TMEM184B: variants seen among roughly 807,000 people sequenced by gnomAD.
TMEM184B encodes transmembrane protein 184B.
A neutral mutation model predicts 41.8 loss-of-function variants in TMEM184B; 17 were observed. That is an observed-to-expected ratio of 0.41 (90% CI 0.28 to 0.61). The LOEUF is 0.61. Among genes scored for constraint, TMEM184B ranks in the 20% least tolerant of loss-of-function variants. The probability of loss-of-function intolerance (pLI) is 0.34; values close to 1 mark genes in which losing one functional copy is unlikely to be tolerated. For missense variants in TMEM184B, 393 were observed against 557.8 expected (o/e 0.70, Z 2.98); for synonymous variants, 240 against 229.5 (o/e 1.05, Z -0.41).
intron 1 of TMEM184B, among the ~76,000 whole-genome samples, chr22:38,252,329 G>A (rs2092184162): frequency 6.6e-6 from 1 of 152,104 alleles, no homozygotes; most frequent in Non-Finnish European, 1.5e-5. Context: ...CCAAAGTGCT[G>A]GGATTACAGG....
Position 38,231,342 on chromosome 22 carries a change from G to A in TMEM184B, c.359-8C>T, listed in dbSNP as rs200937445. ...AATTATAGATGACCAAGGCTGCGAAGAGAGTGTCCAGGAGAAACCAGTCAA... is the reference window on the plus strand; with the variant it reads ...AATTATAGATGACCAAGGCTGCGAAAAGAGTGTCCAGGAGAAACCAGTCAA... On this transcript the variant is annotated splice_region_variant and splice_polypyrimidine_tract_variant and intron_variant, in intron 3 of 8. Transcript: ENST00000361906. 325 of 1,612,598 alleles carry A rather than the reference G, an allele frequency of 2.0e-4. No individual in the cohort carries two copies. The African/African-American group carries it at 4.0e-3, about 20-fold the overall frequency.
At chr22:38,235,389 G>A (rs78690286) in intron 3 of TMEM184B, among the ~76,000 whole-genome samples, 2 of 152,210 alleles carry the variant, frequency 1.3e-5, no homozygotes, top group Non-Finnish European at 2.9e-5. Context: ...ATCTGGGCTC[G>A]TGTCCTTTCC....
chr22:38,238,653 C>T (rs1011817850), intron 3 of TMEM184B, among the ~76,000 whole-genome samples: 27 of 152,248 alleles, frequency 1.8e-4, no homozygotes, highest in African/African-American at 4.8e-4. Context: ...GTGCTCACCC[C>T]GGTTGGACAG....
intron 5 of TMEM184B, among the ~76,000 whole-genome samples, chr22:38,227,592 G>A (rs184417061): frequency 1.6e-3 from 247 of 152,308 alleles, no homozygotes; most frequent in Non-Finnish European, 1.3e-3. Flanking sequence ...TGGGGATGGA[G>A]GTGACCTGCA....
chr22:38,225,511 A>G lies in TMEM184B; in HGVS notation c.700T>C (p.Phe234Leu). Residue 234 changes from phenylalanine (F) to leucine (L), a missense_variant, in exon 7 of 9, where the codon TTC becomes CTC. Phe to Leu is a conservative substitution (Grantham distance 22). Around this residue, in one of 2 missense-constraint regions of TMEM184B, gnomAD observed 271 missense variants for 434.1 expected, o/e 0.62. Transcript: ENST00000361906. The surrounding 1 kb of genome is among the most constrained non-coding windows in gnomAD (Gnocchi z 4.4). The part of the protein sequence containing the change: ...LALYALFLFY[F>L]ATRELLSPYS... ...GGGCTGAGCAGCTCCCGGGTGGCGA[A>G]GTAGAAGAGGAAGAGGGCGTAGAGG... The G allele has an allele frequency of 1.2e-6, 2 of 1,601,646 alleles. No individual in the cohort carries two copies. The highest frequency in any genetic ancestry group is 1.7e-6 in the Non-Finnish European group (2 of 1,175,662).
rs367616345 is a variant in TMEM184B at position 38,221,655 on chromosome 22, C to T, written c.1038G>A (p.Pro346=). ...GGATGGCGTCCTGCACGATGTCGTG[C>T]GGGTTCATGGTCTCCTTGAGGCTGC... is the stretch of plus-strand genomic sequence containing the variant. ...ISSSLKETMN[P]HDIVQDAIHN... is the part of the protein sequence containing the mutation. Residue 346 remains proline (P), a synonymous_variant, in exon 9 of 9, where the codon CCG becomes CCA. Transcript: ENST00000361906. 5.5e-5 allele frequency: 88 copies of T among 1,614,080 alleles called. No individual in the cohort carries two copies. The highest frequency in any genetic ancestry group is 4.6e-4 in the South Asian group (42 of 91,084).
At chr22:38,246,147 G>A in intron 2 of TMEM184B, 47 bp from the exon 3 acceptor site, 1 of 1,586,134 alleles carries the variant, frequency 6.3e-7, no homozygotes, top group Non-Finnish European at 8.5e-7. Flanking sequence ...CTGTCCACAG[G>A]GACGGGAGGG....
At chr22:38,228,347 C>T (rs779231764) in intron 5 of TMEM184B, among the ~76,000 whole-genome samples, 9 of 152,174 alleles carry the variant, frequency 5.9e-5, no homozygotes, top group African/African-American at 7.2e-5. Context: ...AGCCCCCTGA[C>T]GTGGGTGCTG....
At chr22:38,256,370 T>C (rs920197428) in intron 1 of TMEM184B, among the ~76,000 whole-genome samples, 3 of 151,966 alleles carry the variant, frequency 2.0e-5, no homozygotes, top group Admixed American at 6.6e-5. Flanking sequence ...CCCACCACCA[T>C]GCCTGCCTAA....
Position 38,225,045 on chromosome 22 carries a change from A to T in TMEM184B, c.788-66T>A. ...CTTTCCTGCTCCCCCTTCTTCCACA[A>T]TGCCCCATTCAGCTGCCCACATGCC... On this transcript the variant is annotated intron_variant, in intron 7 of 8. Transcript: ENST00000361906. The surrounding 1 kb of genome is among the most constrained non-coding windows in gnomAD (Gnocchi z 4.4). The T allele has an allele frequency of 6.9e-7, 1 of 1,459,774 alleles. No homozygotes were observed. The highest frequency in any genetic ancestry group is 1.4e-5 in the South Asian group (1 of 73,660). The allele number at this position is 1,459,774 out of a possible 1,614,324, so 90.4% of individuals were successfully genotyped here.
At chr22:38,251,189 T>C (rs2145716014) in intron 1 of TMEM184B, among the ~76,000 whole-genome samples, 1 of 152,312 alleles carries the variant, frequency 6.6e-6, no homozygotes, top group South Asian at 2.1e-4. Flanking sequence ...GCCCAACCCA[T>C]GCTGGCCACG....
intron 5 of TMEM184B, among the ~76,000 whole-genome samples, chr22:38,229,646 T>C (rs1242310617): frequency 7.8e-4 from 90 of 115,536 alleles, no homozygotes; most frequent in African/African-American, 1.6e-3. Context: ...CACAGGGAGG[T>C]CAGCCCAGGA....
At chr22:38,252,486 C>T (rs1041841744) in intron 1 of TMEM184B, among the ~76,000 whole-genome samples, 1 of 152,214 alleles carries the variant, frequency 6.6e-6, no homozygotes, top group African/African-American at 2.4e-5. Context: ...TGCCAGGCAC[C>T]GGCAGACCCA....
Position 38,225,645 on chromosome 22 carries a change from G to A in TMEM184B, c.618-52C>T. 6.5e-7 allele frequency: 1 copy of A among 1,547,834 alleles called. No individual in the cohort carries two copies. Among genetic ancestry groups the A allele is most frequent in the Non-Finnish European group, 8.7e-7 (1 of 1,152,200 alleles). On this transcript the variant is annotated intron_variant, in intron 6 of 8. Coordinates refer to ENST00000361906, the MANE Select transcript of TMEM184B (RefSeq NM_012264.5). This position sits in a 1 kb window ranked among gnomAD's most constrained non-coding sequence, Gnocchi z 4.4. ...TGGGACAGACCCTTGGAGGGAAGGG[G>A]CTCTCCTCGACTGCACCACACACAG...
chr22:38,267,098 A>C (rs1392373520), intron 1 of TMEM184B, among the ~76,000 whole-genome samples: 1 of 152,058 alleles, frequency 6.6e-6, no homozygotes, highest in African/African-American at 2.4e-5. Flanking sequence ...AAAAAAAAAA[A>C]ACAAGTACTA....
intron 2 of TMEM184B, 33 bp from the exon 3 acceptor site, chr22:38,246,133 C>A: frequency 6.3e-7 from 1 of 1,597,592 alleles, no homozygotes; most frequent in Non-Finnish European, 8.5e-7. Flanking sequence ...AGCTGGGGAC[C>A]CTCCTGTCCA....
intron 3 of TMEM184B, among the ~76,000 whole-genome samples, chr22:38,240,798 T>C (rs190114766): frequency 3.2e-5 from 4 of 124,084 alleles, no homozygotes; most frequent in East Asian, 5.2e-4. Context: ...AGGGATCAAA[T>C]ACAGCAGACT....
In TMEM184B at chr22:38,219,851, C is replaced by T. The variant is rs1602346016; in HGVS notation, c.*1618G>A. The T allele has an allele frequency of 1.0e-6, 1 of 985,296 alleles. No homozygotes were observed. The highest frequency in any genetic ancestry group is 1.7e-5 in the African/African-American group (1 of 57,236). 61.0% of individuals were successfully genotyped at this position (985,296 alleles called of 1,614,324 possible). On this transcript the variant is annotated 3_prime_UTR_variant, in exon 9 of 9. Transcript: ENST00000361906. ...CAGCTTGGGCCCAACTGCTCCGCCC[C>T]CCCAAGATGGAGGGGGAGAGCTGGC...
chr22:38,227,071 TG>T (rs918673318), intron 5 of TMEM184B, among the ~76,000 whole-genome samples: 2 of 114,854 alleles, frequency 1.7e-5, no homozygotes, highest in African/African-American at 6.9e-5. Context: ...ATGGAGGAGA[TG>T]GGGGGTGGCT....
Sources: allele counts gnomAD v4.1 joint callset (sites outside exome capture counted in the v4.1 genomes callset), GRCh38; gene constraint gnomAD v4.1.1; regional missense constraint gnomAD v4.1.1; non-coding constraint Gnocchi (gnomAD v3.1); transcripts MANE v1.5; gene names NCBI Gene and HGNC (gene_info 2026-07-23, HGNC 2026-07-21).